The following COL27A1 variants were observed in gnomAD, a reference collection of about 807,000 sequenced individuals.
The protein encoded by COL27A1 is collagen type XXVII alpha 1 chain.
In COL27A1, 106 loss-of-function variants were observed where a neutral mutation model predicts 251.3. The observed-to-expected ratio is 0.42, with a 90% CI of 0.36 to 0.50. The LOEUF (loss-of-function observed/expected upper bound fraction) is 0.50, where lower values mean the gene tolerates loss of function less well. Among genes scored for constraint, COL27A1 ranks in the 20% least tolerant of loss-of-function variants. COL27A1 has a pLI of 0.00. For missense variants in COL27A1, 2,325 were observed against 2,522.8 expected (o/e 0.92, Z 1.68); for synonymous variants, 1,000 against 986.3 (o/e 1.01, Z -0.26).
chr9:114,165,092 C>T (rs1848737226), intron 2 of COL27A1, among the ~76,000 whole-genome samples: 1 of 152,176 alleles, frequency 6.6e-6, no homozygotes. Flanking sequence ...GGAAGATGAC[C>T]ATTTCATCCT....
chr9:114,193,531 G>A (rs1014417237), intron 5 of COL27A1, among the ~76,000 whole-genome samples: 2 of 152,110 alleles, frequency 1.3e-5, no homozygotes, highest in Non-Finnish European at 2.9e-5. Flanking sequence ...CACCAGTCAG[G>A]ATTATAATCT....
intron 2 of COL27A1, among the ~76,000 whole-genome samples, chr9:114,165,649 T>TATCC (rs58004565): frequency 0.31 from 42,461 of 136,240 alleles, 6,746 homozygotes; most frequent in Admixed American, 0.42. Context: ...TCCATCCATT[T>TATCC]ATCCATCCAT....
In COL27A1 at chr9:114,169,199, G is replaced by A. The variant is rs374400982; in HGVS notation, c.1644G>A (p.Lys548=). 7 of 1,614,100 alleles carry A rather than the reference G, an allele frequency of 4.3e-6. No homozygotes were observed. The highest frequency in any genetic ancestry group is 5.1e-6 in the Non-Finnish European group (6 of 1,180,020). The change falls in exon 3 of 61, where the codon AAG becomes AAA. Residue 548 remains lysine, a synonymous_variant. Transcript: ENST00000356083. ...GSEASKKAGP[K]SSPRKPVPLR... ...AAGCCTCAAAGAAAGCCGGACCCAAGAGCAGCCCCCGGAAGCCTGTCCCCC... is the reference window on the plus strand; with the variant it reads ...AAGCCTCAAAGAAAGCCGGACCCAAAAGCAGCCCCCGGAAGCCTGTCCCCC...
Position 114,242,489 on chromosome 9 carries a change from C to T in COL27A1, c.2880+258C>T, listed in dbSNP as rs576615319. Among the ~76,000 whole-genome samples the T allele has an allele frequency of 5.3e-5, 8 of 152,364 alleles. No homozygotes were observed. The East Asian group carries it at 1.5e-3, about 29-fold the overall frequency. On this transcript the variant is annotated intron_variant, in intron 22 of 60. Transcript: ENST00000356083. ...TTCTCCCATGACACATGATTGCTTTCCTTGGTTTCATTAGAGAAGAGGCAA... is the reference window on the plus strand; with the variant it reads ...TTCTCCCATGACACATGATTGCTTTTCTTGGTTTCATTAGAGAAGAGGCAA...
At chr9:114,159,721 T>C (rs1848364261) in intron 1 of COL27A1, among the ~76,000 whole-genome samples, 1 of 152,230 alleles carries the variant, frequency 6.6e-6, no homozygotes. Flanking sequence ...CTAATGTATC[T>C]GGCCAATTTC....
rs985623313 is a variant in COL27A1, at chr9:114,282,560, C to T, written c.3875C>T (p.Pro1292Leu). The T allele has an allele frequency of 1.3e-6, 2 of 1,515,364 alleles. No homozygotes were observed. Among genetic ancestry groups the T allele is most frequent in the Admixed American group, 2.5e-5 (1 of 39,504 alleles). 93.9% of individuals were successfully genotyped at this position (1,515,364 alleles called of 1,614,324 possible). A position where few individuals can be genotyped will look rare whatever the true frequency, so the allele number is the denominator to read the frequency against. Residue 1292 changes from proline (P) to leucine (L), a missense_variant, in exon 39 of 61, where the codon CCA becomes CTA. By Grantham distance (98) the Pro-to-Leu change is moderately conservative. Transcript: ENST00000356083. ...AAAGGGTCCCGGGGCAGCCTGGGAC[C>T]AACGGTGAGGACTCTCTGGCTGGGG... ...GPKGSRGSLGPTGAPGRMGAQ... is the reference protein window; with the variant it reads ...GPKGSRGSLGLTGAPGRMGAQ...
chr9:114,215,693 C>G (rs949769758), intron 12 of COL27A1, among the ~76,000 whole-genome samples: 1 of 152,058 alleles, frequency 6.6e-6, no homozygotes, highest in Admixed American at 6.5e-5. Context: ...AACTTCCAGG[C>G]CTTGGAGAAT....
At chr9:114,279,529 A>G (rs1256807275) in intron 37 of COL27A1, among the ~76,000 whole-genome samples, 2 of 152,228 alleles carry the variant, frequency 1.3e-5, no homozygotes, top group African/African-American at 2.4e-5. Flanking sequence ...TAAAAACAGC[A>G]AAAAGAAACA....
intron 7 of COL27A1, 74 bp downstream of exon 7, chr9:114,196,086 G>A: frequency 3.0e-6 from 4 of 1,336,758 alleles, no homozygotes; most frequent in Non-Finnish European, 4.3e-6. Flanking sequence ...CAGAAGAGCT[G>A]TGGGCCCACC....
intron 36 of COL27A1, among the ~76,000 whole-genome samples, chr9:114,274,646 C>A (rs531777024): frequency 3.1e-4 from 47 of 152,288 alleles, no homozygotes; most frequent in African/African-American, 1.1e-3. Flanking sequence ...GATAGGAGGG[C>A]ACGTTCACCA....
chr9:114,170,259 G>A (rs988445933), intron 3 of COL27A1, among the ~76,000 whole-genome samples: 5 of 152,240 alleles, frequency 3.3e-5, no homozygotes, highest in Admixed American at 1.3e-4. Flanking sequence ...GGAAGAGGAA[G>A]GGAGAAGAAA....
chr9:114,276,354 C>A (rs147943448), intron 37 of COL27A1, among the ~76,000 whole-genome samples: 2 of 152,322 alleles, frequency 1.3e-5, no homozygotes, highest in East Asian at 3.9e-4. Flanking sequence ...GCCTGTAATC[C>A]CAGCACTTTG....
At chr9:114,164,164 C>T (rs1449040258) in intron 2 of COL27A1, among the ~76,000 whole-genome samples, 2 of 152,116 alleles carry the variant, frequency 1.3e-5, no homozygotes, top group African/African-American at 2.4e-5. Context: ...CTTCTGAGCC[C>T]CCTCTATAAA....
chr9:114,155,383 G>T (rs1370252315), upstream of COL27A1, among the ~76,000 whole-genome samples: 2 of 152,098 alleles, frequency 1.3e-5, no homozygotes, highest in African/African-American at 2.4e-5. This position sits in a 1 kb window ranked among gnomAD's most constrained non-coding sequence, Gnocchi z 5.5. Flanking sequence ...GTGTCCCATC[G>T]GGGCTGTAGT....
chr9:114,282,911 G>A (rs1836016747), intron 39 of COL27A1, among the ~76,000 whole-genome samples: 1 of 152,208 alleles, frequency 6.6e-6, no homozygotes, highest in African/African-American at 2.4e-5. Context: ...TATCAAACAA[G>A]GAGATTTCCC....
At chr9:114,217,428 G>A (rs1283704925) in intron 12 of COL27A1, among the ~76,000 whole-genome samples, 2 of 152,296 alleles carry the variant, frequency 1.3e-5, no homozygotes, top group Middle Eastern at 3.4e-3. Context: ...GGGCAGGCTG[G>A]CCAGCCTGGA....
intron 2 of COL27A1, among the ~76,000 whole-genome samples, chr9:114,164,612 C>T (rs938021342): frequency 1.3e-5 from 2 of 152,186 alleles, no homozygotes; most frequent in Admixed American, 6.5e-5. Context: ...AGGGGCCCTC[C>T]GGGGGTTGTT....
At chr9:114,182,290 C>T (rs1339064017) in intron 4 of COL27A1, among the ~76,000 whole-genome samples, 2 of 151,574 alleles carry the variant, frequency 1.3e-5, no homozygotes, top group Admixed American at 1.3e-4. Flanking sequence ...GTGGGAGGAT[C>T]TCTTGAGCCG....
intron 49 of COL27A1, among the ~76,000 whole-genome samples, chr9:114,293,967 G>A (rs938306363): frequency 4.6e-5 from 7 of 152,030 alleles, no homozygotes; most frequent in African/African-American, 9.7e-5. Context: ...GGCTGGGCGC[G>A]GTGGCTTACG....
Sources: allele counts gnomAD v4.1 joint callset (sites outside exome capture counted in the v4.1 genomes callset), GRCh38; gene constraint gnomAD v4.1.1; non-coding constraint Gnocchi (gnomAD v3.1); transcripts MANE v1.5; gene names NCBI Gene and HGNC (gene_info 2026-07-23, HGNC 2026-07-21).